Variants in RELN observed in about 807,000 individuals in gnomAD.
The protein encoded by RELN is reelin.
A neutral mutation model predicts 427.6 loss-of-function variants in RELN; 108 were observed. The ratio of observed to expected loss-of-function variants is 0.25; its 90% confidence interval spans 0.22 to 0.30. RELN has a LOEUF of 0.30. Among genes scored for constraint, RELN ranks in the 10% least tolerant of loss-of-function variants. The probability of loss-of-function intolerance (pLI) is 1.00; values close to 1 mark genes in which losing one functional copy is unlikely to be tolerated. For synonymous variants in RELN, 1,524 were observed against 1,513.4 expected (o/e 1.01, Z -0.16); for missense variants, 3,715 against 4,302.8 (o/e 0.86, Z 3.82).
rs1167390930 is a variant in RELN at position 103,968,481 on chromosome 7, AG to A, written c.226+20649del. Reference sequence around the variant, plus strand: ...ACTAACTGGTGGCCTATGAGAAATTAGGGGACAGAAAAAAAAATAAAAGTAT... The same window carrying A: ...ACTAACTGGTGGCCTATGAGAAATTAGGGACAGAAAAAAAAATAAAAGTAT... On this transcript the variant is annotated intron_variant, in intron 1 of 64. Transcript: ENST00000428762. This position sits in a 1 kb window ranked among gnomAD's most constrained non-coding sequence, Gnocchi z 4.3. Among the ~76,000 whole-genome samples the A allele has an allele frequency of 6.6e-6, 1 of 152,160 alleles. No individual in the cohort carries two copies. The highest frequency in any genetic ancestry group is 1.5e-5 in the Non-Finnish European group (1 of 68,014).
intron 10 of RELN, among the ~76,000 whole-genome samples, chr7:103,691,020 A>T (rs1184193616): frequency 2.0e-5 from 3 of 152,152 alleles, no homozygotes; most frequent in Non-Finnish European, 2.9e-5. Flanking sequence ...AGTCCTCCTC[A>T]GCTTTCCAAC....
intron 4 of RELN, among the ~76,000 whole-genome samples, chr7:103,770,546 A>T (rs1362619832): frequency 1.3e-5 from 2 of 152,194 alleles, no homozygotes; most frequent in Non-Finnish European, 2.9e-5. Context: ...GTTTGGCTGC[A>T]AGGCACTGGA....
intron 22 of RELN, among the ~76,000 whole-genome samples, chr7:103,608,063 A>T (rs1210393536): frequency 6.6e-6 from 1 of 152,226 alleles, no homozygotes; most frequent in African/African-American, 2.4e-5. Flanking sequence ...GCTTTTATGT[A>T]TTCAATTTAT....
chr7:103,521,102 G>A (rs1371967101), intron 48 of RELN, among the ~76,000 whole-genome samples: 2 of 148,602 alleles, frequency 1.3e-5, no homozygotes, highest in Non-Finnish European at 3.0e-5. Context: ...TCAGCCTCCC[G>A]AGTAGCTGGG....
intron 36 of RELN, among the ~76,000 whole-genome samples, 152 bp downstream of exon 36, chr7:103,561,377 CAGA>C (rs1377311942): frequency 1.3e-5 from 2 of 152,106 alleles, no homozygotes; most frequent in Non-Finnish European, 2.9e-5. Context: ...TGATTGCACT[CAGA>C]AGAGGAAACA....
intron 3 of RELN, among the ~76,000 whole-genome samples, chr7:103,792,977 C>T (rs1792204769): frequency 6.6e-6 from 1 of 151,946 alleles, no homozygotes; most frequent in Non-Finnish European, 1.5e-5. Flanking sequence ...ATGCAGAGAA[C>T]AAAACTAAAT....
chr7:103,581,975 C>G (rs1361779481), intron 28 of RELN, among the ~76,000 whole-genome samples: 1 of 152,056 alleles, frequency 6.6e-6, no homozygotes, highest in Non-Finnish European at 1.5e-5. Flanking sequence ...GTTTTGAGCT[C>G]TTAAATTTTG....
At chr7:103,742,838 G>T (rs1314309462) in intron 6 of RELN, among the ~76,000 whole-genome samples, 1 of 152,174 alleles carries the variant, frequency 6.6e-6, no homozygotes, top group African/African-American at 2.4e-5. Context: ...AAAACACTCT[G>T]CAGGATATTA....
At chr7:103,616,867 C>T (rs1832092157) in intron 20 of RELN, among the ~76,000 whole-genome samples, 1 of 152,088 alleles carries the variant, frequency 6.6e-6, no homozygotes, top group Non-Finnish European at 1.5e-5. Flanking sequence ...TAATATACAT[C>T]CTTGTATATC....
At chr7:103,746,424 A>T (rs914296088) in intron 6 of RELN, among the ~76,000 whole-genome samples, 3 of 152,038 alleles carry the variant, frequency 2.0e-5, no homozygotes, top group Admixed American at 2.0e-4. Context: ...AATGGGATCT[A>T]ATTAAACTAA....
chr7:103,594,380 T>C lies in RELN; in HGVS notation c.3652A>G (p.Ile1218Val). ...TGCTTCTGCTTCTCGGACAGAATGA[T>C]GATGTCATCGACTGCCCACTGGTCA... ...DYDQWAVDDI[I>V]ILSEKQKQII... is the part of the protein sequence containing the mutation. The change falls in exon 26 of 65, where the codon ATC (isoleucine) becomes GTC (valine). Residue 1218 changes from isoleucine to valine, a missense_variant. Around this residue, in one of 4 missense-constraint regions of RELN, gnomAD observed 2,208 missense variants for 2,361.7 expected, o/e 0.93. Coordinates refer to ENST00000428762, the MANE Select transcript of RELN (RefSeq NM_005045.4). 1 of 1,614,052 alleles carries C rather than the reference T, an allele frequency of 6.2e-7. No individual in the cohort carries two copies. Among genetic ancestry groups the C allele is most frequent in the Non-Finnish European group, 8.5e-7 (1 of 1,179,928 alleles).
At chr7:103,888,784 A>C (rs1794780452) in intron 2 of RELN, among the ~76,000 whole-genome samples, 1 of 152,206 alleles carries the variant, frequency 6.6e-6, no homozygotes, top group Admixed American at 6.5e-5. Context: ...AACATGAGCC[A>C]GATTTCAGCC....
At chr7:103,701,345 C>G (rs553499969) in intron 8 of RELN, among the ~76,000 whole-genome samples, 2 of 152,042 alleles carry the variant, frequency 1.3e-5, no homozygotes, top group Admixed American at 6.6e-5. Context: ...ATGGTTCTTG[C>G]AAGTTAGTAT....
intron 10 of RELN, among the ~76,000 whole-genome samples, chr7:103,683,369 C>T (rs1833694574): frequency 6.6e-6 from 1 of 152,086 alleles, no homozygotes. Context: ...TGGAAATGCC[C>T]TTTAAGGTAA....
chr7:103,645,327 A>G (rs1299991625), intron 16 of RELN, among the ~76,000 whole-genome samples: 1 of 151,906 alleles, frequency 6.6e-6, no homozygotes, highest in Admixed American at 6.6e-5. Flanking sequence ...TTTAAAAGAT[A>G]CAGATTGGCA....
At chr7:103,706,728 A>G (rs1395468141) in intron 8 of RELN, among the ~76,000 whole-genome samples, 1 of 151,964 alleles carries the variant, frequency 6.6e-6, no homozygotes, top group Admixed American at 6.6e-5. Context: ...ACTCAGGCTC[A>G]TGACTCAAGG....
chr7:103,512,148 T>G (rs1829440755), intron 50 of RELN, among the ~76,000 whole-genome samples: 1 of 128,824 alleles, frequency 7.8e-6, no homozygotes, highest in Non-Finnish European at 1.6e-5. Flanking sequence ...TTATAGCTAC[T>G]GAAAAAGTAT....
At chr7:103,806,034 C>T (rs1792590586) in intron 3 of RELN, among the ~76,000 whole-genome samples, 1 of 152,036 alleles carries the variant, frequency 6.6e-6, no homozygotes, top group Non-Finnish European at 1.5e-5. Context: ...GGAGTTTTTA[C>T]CTATCTTGGA....
At chr7:103,945,942 A>C (rs999172812) in intron 1 of RELN, among the ~76,000 whole-genome samples, 3 of 152,100 alleles carry the variant, frequency 2.0e-5, no homozygotes, top group Admixed American at 6.6e-5. Context: ...TGCACCATCT[A>C]AGTTTGTAAG....
Sources: allele counts gnomAD v4.1 joint callset (sites outside exome capture counted in the v4.1 genomes callset), GRCh38; gene constraint gnomAD v4.1.1; regional missense constraint gnomAD v4.1.1; non-coding constraint Gnocchi (gnomAD v3.1); transcripts MANE v1.5; gene names NCBI Gene and HGNC (gene_info 2026-07-23, HGNC 2026-07-21).